RBMS3: variants seen among roughly 807,000 people sequenced by gnomAD.
The protein encoded by RBMS3 is RNA-binding motif, single-stranded-interacting protein 3.
RBMS3 carries 27 observed loss-of-function variants against 66.8 expected under a neutral mutation model. The ratio of observed to expected loss-of-function variants is 0.40; its 90% CI spans 0.30 to 0.56. The LOEUF (loss-of-function observed/expected upper bound fraction) is 0.56, where lower values mean the gene tolerates loss of function less well. Ranked by LOEUF, RBMS3 falls within the 20% of genes least tolerant of loss-of-function variation. RBMS3 has a pLI of 0.40. For synonymous variants in RBMS3, 188 were observed against 183.0 expected (o/e 1.03, Z -0.22); for missense variants, 513 against 549.5 (o/e 0.93, Z 0.66).
At chr3:29,351,872 G>C (rs1244707680) in intron 1 of RBMS3, among the ~76,000 whole-genome samples, 9 of 151,794 alleles carry the variant, frequency 5.9e-5, no homozygotes. Context: ...TGTAAGCGAT[G>C]GAATACACAT....
At chr3:29,350,998 A>G (rs1318674805) in intron 1 of RBMS3, among the ~76,000 whole-genome samples, 1 of 151,844 alleles carries the variant, frequency 6.6e-6, no homozygotes, top group African/African-American at 2.4e-5. Flanking sequence ...AGAAAATATT[A>G]TGTGTATATA....
At chr3:29,335,030 C>G (rs377767224) in intron 1 of RBMS3, among the ~76,000 whole-genome samples, 2 of 152,124 alleles carry the variant, frequency 1.3e-5, no homozygotes, top group African/African-American at 4.8e-5. Flanking sequence ...GTTTTAATAG[C>G]AGGCATTTTC....
At chr3:29,991,946 C>G (rs1318372546) in intron 14 of RBMS3, among the ~76,000 whole-genome samples, 1 of 152,004 alleles carries the variant, frequency 6.6e-6, no homozygotes, top group Non-Finnish European at 1.5e-5. Flanking sequence ...CTTGAAAATC[C>G]TTAAATCACT....
intron 2 of RBMS3, among the ~76,000 whole-genome samples, chr3:29,473,314 CAT>C (rs2042813759): frequency 6.6e-6 from 1 of 152,186 alleles, no homozygotes; most frequent in East Asian, 1.9e-4. Flanking sequence ...CTTAGCTAGA[CAT>C]AAAGGTTCTC....
chr3:29,768,058 T>C lies in RBMS3; in HGVS notation c.637+5069T>C, dbSNP rs140698154. Among the ~76,000 whole-genome samples the C allele has an allele frequency of 4.3e-3, 652 of 152,138 alleles. 6 individuals carry two copies. The highest frequency in any genetic ancestry group is 0.015 in the African/African-American group (607 of 41,548). On this transcript the variant is annotated intron_variant, in intron 6 of 14. Transcript: ENST00000383767. ...TTGTGAAACTAAAGCATCACTTGTA[T>C]AACATGCTTTGTGAACAATGTAATC...
chr3:29,470,007 A>G (rs1396463592), intron 2 of RBMS3, among the ~76,000 whole-genome samples: 2 of 148,018 alleles, frequency 1.4e-5, no homozygotes, highest in African/African-American at 4.9e-5. Flanking sequence ...AAAATTATAT[A>G]ATATGTAATT....
intron 10 of RBMS3, among the ~76,000 whole-genome samples, chr3:29,928,119 T>TAAC (rs2060989545): frequency 6.7e-6 from 1 of 149,646 alleles, no homozygotes; most frequent in African/African-American, 2.5e-5. Flanking sequence ...TAACACTGTT[T>TAAC]CCCTTATAAC....
chr3:29,650,423 T>G (rs1194870797), intron 4 of RBMS3, among the ~76,000 whole-genome samples: 1 of 152,008 alleles, frequency 6.6e-6, no homozygotes, highest in African/African-American at 2.4e-5. Flanking sequence ...TCCAAGTTAC[T>G]GTGACTACAT....
chr3:29,730,889 G>T, intron 4 of RBMS3: 1 of 985,162 alleles, frequency 1.0e-6, no homozygotes, highest in South Asian at 4.7e-5. Flanking sequence ...TTTCTCACAG[G>T]AGAAACCATC....
intron 5 of RBMS3, among the ~76,000 whole-genome samples, chr3:29,744,821 A>T (rs796642875): frequency 2.0e-5 from 3 of 151,686 alleles, no homozygotes; most frequent in African/African-American, 7.3e-5. Context: ...TAATTGGGAG[A>T]ATACCTAGCC....
In RBMS3 at chr3:29,868,538, G is replaced by A. The variant is rs541051224; in HGVS notation, c.638-320G>A. Among the ~76,000 whole-genome samples the A allele has an allele frequency of 9.9e-5, 15 of 152,254 alleles. No individual in the cohort carries two copies. In the South Asian group the frequency reaches 2.9e-3, roughly 29 times the overall value. On this transcript the variant is annotated intron_variant, in intron 6 of 14. Coordinates refer to ENST00000383767, the MANE Select transcript of RBMS3 (RefSeq NM_001003793.3). ...AAATATTTATCCACATATAAATACC[G>A]ATTATGAACACGTTTCTGACATTAC... is the stretch of plus-strand genomic sequence containing the variant.
rs144296531 is a variant in RBMS3, at chr3:29,653,454, C to T, written c.399+66249C>T. ...AGTCTGAAGGATGATACAGAACTGA[C>T]GGTAAACCTCTCTGAACCATGTTTA... On this transcript the variant is annotated intron_variant, in intron 4 of 14. Transcript: ENST00000383767. Among the ~76,000 whole-genome samples, 943 of 152,236 alleles carry T rather than the reference C, an allele frequency of 6.2e-3. 26 individuals are homozygous for T. Among genetic ancestry groups the T allele is most frequent in the Admixed American group, 0.058 (885 of 15,280 alleles).
intron 4 of RBMS3, among the ~76,000 whole-genome samples, chr3:29,621,863 T>G (rs2149156382): frequency 6.6e-6 from 1 of 152,284 alleles, no homozygotes; most frequent in East Asian, 1.9e-4. Context: ...AAAACCCACT[T>G]TATGGAATTA....
chr3:29,956,939 A>C (rs1696085739), intron 12 of RBMS3, among the ~76,000 whole-genome samples: 1 of 152,080 alleles, frequency 6.6e-6, no homozygotes, highest in African/African-American at 2.4e-5. Flanking sequence ...CGCCATAATG[A>C]ACTGCTTTCA....
chr3:29,389,742 G>T (rs1345919208), intron 1 of RBMS3, among the ~76,000 whole-genome samples: 1 of 152,166 alleles, frequency 6.6e-6, no homozygotes, highest in Non-Finnish European at 1.5e-5. Flanking sequence ...ATAATCCCCA[G>T]ACTGCTTGAG....
At chr3:29,282,364 T>A (rs1159550990) in intron 1 of RBMS3, among the ~76,000 whole-genome samples, 1 of 152,154 alleles carries the variant, frequency 6.6e-6, no homozygotes. Context: ...TAGATGTTCT[T>A]TACTTTTAGA....
chr3:29,864,289 G>A (rs2059290085), intron 6 of RBMS3, among the ~76,000 whole-genome samples: 1 of 152,148 alleles, frequency 6.6e-6, no homozygotes, highest in Non-Finnish European at 1.5e-5. Flanking sequence ...GGAACAGAGA[G>A]CATTCATCAT....
intron 6 of RBMS3, among the ~76,000 whole-genome samples, chr3:29,765,107 T>C (rs750989174): frequency 3.3e-5 from 5 of 152,038 alleles, no homozygotes; most frequent in Non-Finnish European, 7.4e-5. Context: ...AGACATTTAA[T>C]CTTTGATACT....
chr3:29,756,079 A>G (rs2055399791), intron 5 of RBMS3, among the ~76,000 whole-genome samples: 1 of 152,218 alleles, frequency 6.6e-6, no homozygotes, highest in African/African-American at 2.4e-5. Context: ...GCTTCATTTA[A>G]AGAACAAAAC....
Sources: allele counts gnomAD v4.1 joint callset (sites outside exome capture counted in the v4.1 genomes callset), GRCh38; gene constraint gnomAD v4.1.1; transcripts MANE v1.5; gene names NCBI Gene and HGNC (gene_info 2026-07-23, HGNC 2026-07-21).